The following LRCH2 variants were observed in gnomAD, a reference collection of about 807,000 sequenced individuals.
LRCH2 encodes the protein leucine rich repeats and calponin homology domain containing 2, also known as leucine-rich repeat and calponin homology domain-containing protein 2.
A neutral mutation model predicts 68.9 loss-of-function variants in LRCH2; 38 were observed. The ratio of observed to expected loss-of-function variants is 0.55; its 90% confidence interval spans 0.43 to 0.72. LRCH2 has a LOEUF of 0.72. Ranked by LOEUF, LRCH2 falls within the 30% of genes least tolerant of loss-of-function variation. LRCH2 has a pLI of 0.00. For synonymous variants in LRCH2, 191 were observed against 208.1 expected (o/e 0.92, Z 0.71); for missense variants, 528 against 572.9 (o/e 0.92, Z 0.80).
At chrX:115,189,653 G>T (rs1365095705) in intron 1 of LRCH2, 8 of 1,168,663 alleles carry the variant, frequency 6.8e-6, no homozygotes, top group Non-Finnish European at 8.0e-6. Flanking sequence ...GATATGAACG[G>T]CAAGTACCTG....
At chrX:115,192,298 C>T (rs909991318) in intron 1 of LRCH2, 4 of 1,164,478 alleles carry the variant, frequency 3.4e-6, no homozygotes, top group Admixed American at 2.6e-5. Context: ...CGAGGAGTAC[C>T]GAGGCCCCTC....
chrX:115,204,755 G>A (rs782737566), intron 1 of LRCH2, among the ~76,000 whole-genome samples: 18 of 111,255 alleles, frequency 1.6e-4, no homozygotes, highest in Admixed American at 5.7e-4. Flanking sequence ...CCTGGATTTC[G>A]TTGTTCATAT....
intron 14 of LRCH2, among the ~76,000 whole-genome samples, chrX:115,134,088 T>G (rs1556531146): frequency 8.9e-6 from 1 of 112,087 alleles, no homozygotes; most frequent in Admixed American, 9.5e-5. Context: ...TGGACAAAGT[T>G]TGAGTGGTCT....
At chrX:115,131,256 C>G (rs190313625) in intron 14 of LRCH2, among the ~76,000 whole-genome samples, 5 of 97,993 alleles carry the variant, frequency 5.1e-5, no homozygotes, top group Non-Finnish European at 1.0e-4. Flanking sequence ...TCCCTCCCCC[C>G]CCCTCCACAC....
chrX:115,203,964 C>G (rs991899072), intron 1 of LRCH2, among the ~76,000 whole-genome samples: 3 of 112,726 alleles, frequency 2.7e-5, no homozygotes, highest in Non-Finnish European at 5.6e-5. Context: ...TAGAGGTTAC[C>G]CATGAGGGCT....
chrX:115,146,563 A>C (rs913689451), intron 14 of LRCH2, among the ~76,000 whole-genome samples: 7 of 102,725 alleles, frequency 6.8e-5, no homozygotes, highest in Non-Finnish European at 1.2e-4. Context: ...GAACGCCAAA[A>C]ATTAAAAATT....
intron 3 of LRCH2, among the ~76,000 whole-genome samples, chrX:115,183,808 AG>A (rs1397271288): frequency 1.8e-5 from 2 of 112,787 alleles, no homozygotes; most frequent in African/African-American, 6.4e-5. Flanking sequence ...TATGAAAAAT[AG>A]CTGAAAGCTT....
At chrX:115,192,140 G>T (rs1723339840) in intron 1 of LRCH2, 1 of 1,166,344 alleles carries the variant, frequency 8.6e-7, no homozygotes, top group South Asian at 1.9e-5. Flanking sequence ...TTCAGCAACA[G>T]CTATGGCCGG....
intron 1 of LRCH2, among the ~76,000 whole-genome samples, chrX:115,207,183 A>G (rs143604201): frequency 9.0e-6 from 1 of 111,576 alleles, no homozygotes; most frequent in South Asian, 3.8e-4. Context: ...CAAAACTGGT[A>G]TTTTAACTGA....
chrX:115,212,528 C>G (rs1467951891), intron 1 of LRCH2, among the ~76,000 whole-genome samples: 1 of 111,620 alleles, frequency 9.0e-6, no homozygotes, highest in Non-Finnish European at 1.9e-5. Context: ...AAGACAGTAT[C>G]TTGCTTTGTC....
chrX:115,125,301 G>A lies in LRCH2; in HGVS notation c.1792-1299C>T, dbSNP rs1369985045. On this transcript the variant is annotated intron_variant, in intron 16 of 20. Coordinates refer to ENST00000317135, the MANE Select transcript of LRCH2 (RefSeq NM_020871.4). ...ATGTGCCTGTAGTCCTACCTACTCG[G>A]GAGGCTGAGGCACAAGAATCGCTTG... Among the ~76,000 whole-genome samples the A allele has an allele frequency of 2.9e-5, 3 of 102,614 alleles. No individual in the cohort carries two copies. In the Admixed American group the frequency reaches 3.3e-4, roughly 11 times the overall value. 89.1% of individuals were successfully genotyped at this position (102,614 alleles called of 115,157 possible).
chrX:115,183,880 C>A (rs890485448), intron 3 of LRCH2, among the ~76,000 whole-genome samples: 1 of 111,845 alleles, frequency 8.9e-6, no homozygotes, highest in Admixed American at 9.5e-5. Context: ...AATGTTATGT[C>A]CAAGGTAATT....
At chrX:115,190,373 G>A (rs1556557097) in intron 1 of LRCH2, 1 of 1,162,653 alleles carries the variant, frequency 8.6e-7, no homozygotes, top group Non-Finnish European at 1.1e-6. Context: ...GGAGGCCCAT[G>A]CGGCGCTGCC....
Position 115,111,546 on chromosome X carries a change from C to T in LRCH2, c.*1670G>A, listed in dbSNP as rs954005342. On this transcript the variant is annotated 3_prime_UTR_variant, in exon 21 of 21. Transcript: ENST00000317135. ...GTTTTCACTAGGGAGATTATGTCAG[C>T]GAGTTTTTTTTTTATCCAACTAAAA... The T allele has an allele frequency of 9.1e-5, 10 of 109,850 alleles. No homozygotes were observed. Among genetic ancestry groups the T allele is most frequent in the African/African-American group, 3.3e-4 (10 of 30,212 alleles). The allele number at this position is 109,850 out of a possible 1,213,427, so 9.1% of individuals were successfully genotyped here.
intron 1 of LRCH2, chrX:115,189,509 C>T (rs782414243): frequency 1.7e-6 from 2 of 1,181,315 alleles, no homozygotes; most frequent in Admixed American, 2.4e-5. Context: ...GACGAGAAAG[C>T]CCTCAAAGCC....
intron 11 of LRCH2, among the ~76,000 whole-genome samples, chrX:115,161,036 T>C (rs781880106): frequency 8.9e-6 from 1 of 112,606 alleles, no homozygotes; most frequent in South Asian, 3.6e-4. Flanking sequence ...AAATTCTCCA[T>C]ACGTTATAAA....
In LRCH2 at chrX:115,174,600, CCCA is replaced by C. The variant is rs1393861814; in HGVS notation, c.865-4171_865-4169del. Among the ~76,000 whole-genome samples, 470 of 87,185 alleles carry C rather than the reference CCCA, an allele frequency of 5.4e-3. 5 individuals carry two copies. Among genetic ancestry groups the C allele is most frequent in the African/African-American group, 0.019 (444 of 23,768 alleles). 75.7% of individuals were successfully genotyped at this position (87,185 alleles called of 115,157 possible). A position where few individuals can be genotyped will look rare whatever the true frequency, so the allele number is the denominator to read the frequency against. ...CATTACACACAAACACACCCCCCCC[CCCA>C]CACACACACACACACTATATTTTCT... On this transcript the variant is annotated intron_variant, in intron 5 of 20. Coordinates refer to ENST00000317135, the MANE Select transcript of LRCH2 (RefSeq NM_020871.4).
At chrX:115,197,767 C>T (rs1405948557) in intron 1 of LRCH2, among the ~76,000 whole-genome samples, 6 of 103,064 alleles carry the variant, frequency 5.8e-5, no homozygotes, top group African/African-American at 2.1e-4. Context: ...CTCTCTCTCT[C>T]TCTCTCTCAC....
chrX:115,123,473 T>C (rs1419940567), intron 17 of LRCH2, among the ~76,000 whole-genome samples: 1 of 112,063 alleles, frequency 8.9e-6, no homozygotes, highest in Non-Finnish European at 1.9e-5. Flanking sequence ...TTACTGAACA[T>C]ATGTCAGCCT....
Sources: allele counts gnomAD v4.1 joint callset (sites outside exome capture counted in the v4.1 genomes callset), GRCh38; gene constraint gnomAD v4.1.1; transcripts MANE v1.5; gene names NCBI Gene and HGNC (gene_info 2026-07-23, HGNC 2026-07-21).